Variants in CTNND2 observed in about 807,000 individuals in gnomAD.
The protein encoded by CTNND2 is catenin delta 2.
CTNND2 carries 22 observed loss-of-function variants against 144.4 expected under a neutral mutation model. That is an observed-to-expected ratio of 0.15 (90% confidence interval 0.11 to 0.22). The LOEUF (loss-of-function observed/expected upper bound fraction) is 0.22. CTNND2 is among the 10% of genes least tolerant of loss of function. CTNND2 has a pLI of 1.00. For synonymous variants in CTNND2, 751 were observed against 695.6 expected, an observed-to-expected ratio of 1.08 and a Z score of -1.25; for missense variants, 1,353 against 1,618.8, an observed-to-expected ratio of 0.84 and a Z score of 2.82.
At chr5:11,670,053 C>T (rs1430349690) in intron 2 of CTNND2, among the ~76,000 whole-genome samples, 3 of 151,938 alleles carry the variant, frequency 2.0e-5, no homozygotes, top group African/African-American at 2.4e-5. Flanking sequence ...CATGTAGTTA[C>T]GTGGTTTTGA....
intron 9 of CTNND2, among the ~76,000 whole-genome samples, chr5:11,246,498 A>G (rs1258062770): frequency 6.6e-6 from 1 of 152,048 alleles, no homozygotes; most frequent in African/African-American, 2.4e-5. Flanking sequence ...GATTCCGGGC[A>G]CCACCAGAAG....
chr5:11,379,015 T>C (rs1399981577), intron 7 of CTNND2, among the ~76,000 whole-genome samples: 3 of 152,242 alleles, frequency 2.0e-5, no homozygotes, highest in Admixed American at 2.0e-4. Context: ...ACTTCATTCA[T>C]TTCAATTTTA....
At chr5:11,504,329 T>G (rs1034728486) in intron 3 of CTNND2, among the ~76,000 whole-genome samples, 4 of 152,350 alleles carry the variant, frequency 2.6e-5, no homozygotes, top group East Asian at 1.9e-4. Flanking sequence ...AAATCATTAT[T>G]AATCATAAAA....
intron 12 of CTNND2, among the ~76,000 whole-genome samples, chr5:11,157,268 A>C (rs1335384396): frequency 1.3e-5 from 2 of 152,194 alleles, no homozygotes; most frequent in Non-Finnish European, 2.9e-5. Context: ...AGTCCTTTCA[A>C]CGCTGGGTAG....
chr5:11,211,088 C>T (rs554119547), intron 10 of CTNND2, among the ~76,000 whole-genome samples: 14 of 152,294 alleles, frequency 9.2e-5, no homozygotes, highest in African/African-American at 3.4e-4. Context: ...CTGGGTTCTT[C>T]TGGGTGATAA....
chr5:11,041,013 G>A (rs935004195), intron 16 of CTNND2, among the ~76,000 whole-genome samples: 1 of 152,202 alleles, frequency 6.6e-6, no homozygotes, highest in African/African-American at 2.4e-5. Flanking sequence ...GATGAGATCA[G>A]TGTTTCTCTG....
At chr5:11,148,802 C>A (rs960082610) in intron 12 of CTNND2, among the ~76,000 whole-genome samples, 1 of 152,198 alleles carries the variant, frequency 6.6e-6, no homozygotes, top group African/African-American at 2.4e-5. Flanking sequence ...CAATGATTTC[C>A]CCTCAAACAG....
At chr5:11,146,520 A>G (rs914527093) in intron 12 of CTNND2, among the ~76,000 whole-genome samples, 1 of 152,224 alleles carries the variant, frequency 6.6e-6, no homozygotes, top group Non-Finnish European at 1.5e-5. Context: ...GGAAAAAAAG[A>G]CATAATATAT....
chr5:11,046,957 C>A (rs2149575832), intron 16 of CTNND2, among the ~76,000 whole-genome samples: 1 of 152,340 alleles, frequency 6.6e-6, no homozygotes, highest in South Asian at 2.1e-4. Context: ...AAGTCCTTGA[C>A]AGCCACAGAA....
rs115489677 is a variant in CTNND2 at position 11,628,402 on chromosome 5, A to G, written c.175-63346T>C. 5.6e-3 allele frequency among the ~76,000 whole-genome samples: 860 copies of G among 152,270 alleles called. 15 individuals are homozygous for G. The highest frequency in any genetic ancestry group is 0.019 in the African/African-American group (806 of 41,564). On this transcript the variant is annotated intron_variant, in intron 2 of 21. Transcript: ENST00000304623. ...GTAACTCAATTCTCAAAACAGTACA[A>G]TGTAGCAATATCAGAATCTGCATGT...
chr5:11,883,873 C>T (rs1031872970), intron 1 of CTNND2, among the ~76,000 whole-genome samples: 1 of 152,224 alleles, frequency 6.6e-6, no homozygotes, highest in African/African-American at 2.4e-5. Context: ...GATCGCCATG[C>T]TAACTGGCAT....
intron 16 of CTNND2, among the ~76,000 whole-genome samples, chr5:11,068,912 G>A (rs567803976): frequency 1.8e-3 from 270 of 152,238 alleles, no homozygotes; most frequent in African/African-American, 5.2e-3. Context: ...GCGAGACTCC[G>A]TCTCAAAAAT....
Position 11,295,413 on chromosome 5 carries a change from T to G in CTNND2, c.1628+50959A>C, listed in dbSNP as rs539938207. ...GTGAAAATGGCCATACTGCCCAAGG[T>G]AATTTATAGATTCAATGCCATCCCC... On this transcript the variant is annotated intron_variant, in intron 9 of 21. Transcript: ENST00000304623. 3.0e-4 allele frequency among the ~76,000 whole-genome samples: 46 copies of G among 152,222 alleles called. 1 individual carries two copies. In the South Asian group the frequency reaches 7.7e-3, roughly 25 times the overall value.
At chr5:11,370,269 G>C (rs906010699) in intron 7 of CTNND2, among the ~76,000 whole-genome samples, 4 of 150,258 alleles carry the variant, frequency 2.7e-5, no homozygotes, top group African/African-American at 9.8e-5. Flanking sequence ...TAGAAAACTT[G>C]CTGAAAATGC....
chr5:11,697,135 GAATA>G (rs1251067506), intron 2 of CTNND2, among the ~76,000 whole-genome samples: 2 of 152,214 alleles, frequency 1.3e-5, no homozygotes, highest in African/African-American at 4.8e-5. Context: ...AATAGTGCCA[GAATA>G]AATATGTAAA....
chr5:11,064,356 C>T lies in CTNND2; in HGVS notation c.2788+18340G>A, dbSNP rs1747318469. Among the ~76,000 whole-genome samples, 3 of 152,090 alleles carry T rather than the reference C, an allele frequency of 2.0e-5. No homozygotes were observed. In the South Asian group the frequency reaches 6.2e-4, roughly 32 times the overall value. Reference sequence around the variant, plus strand: ...AGACTAGCATCTAGTCACCGCATAACTGAGCAGAGACTAGATAACAATCAT... The same window carrying T: ...AGACTAGCATCTAGTCACCGCATAATTGAGCAGAGACTAGATAACAATCAT... On this transcript the variant is annotated intron_variant, in intron 16 of 21. Transcript: ENST00000304623.
At chr5:11,714,307 A>C (rs1469145639) in intron 2 of CTNND2, among the ~76,000 whole-genome samples, 1 of 152,070 alleles carries the variant, frequency 6.6e-6, no homozygotes, top group Non-Finnish European at 1.5e-5. Flanking sequence ...GGATAATGAC[A>C]ATTTTTTTTT....
chr5:11,867,074 C>G (rs577031341), intron 1 of CTNND2, among the ~76,000 whole-genome samples: 1 of 152,222 alleles, frequency 6.6e-6, no homozygotes, highest in South Asian at 2.1e-4. Context: ...GATCCAAGCT[C>G]ACATTTTAAC....
chr5:11,617,272 C>T (rs1780624703), intron 2 of CTNND2, among the ~76,000 whole-genome samples: 1 of 152,212 alleles, frequency 6.6e-6, no homozygotes, highest in African/African-American at 2.4e-5. Context: ...TTGACCTCTA[C>T]TGACATCATC....
Sources: gnomAD v4.1 joint callset for allele counts (sites outside exome capture counted in the v4.1 genomes callset) on GRCh38, gnomAD v4.1.1 for gene constraint, MANE v1.5 for transcripts, NCBI Gene and HGNC (gene_info 2026-07-23, HGNC 2026-07-21) for gene names.